Variants in RASSF3 observed in about 807,000 individuals in gnomAD.
RASSF3 encodes Ras association domain family member 3, also known as ras association domain-containing protein 3.
RASSF3 carries 19 observed loss-of-function variants against 19.9 expected under a neutral mutation model. That is an observed-to-expected ratio of 0.96 (90% CI 0.67 to 1.40). RASSF3 has a LOEUF of 1.40. Ranked by LOEUF, RASSF3 falls within the 40% of genes most tolerant of loss-of-function variation. The pLI is 0.00. For missense variants in RASSF3, 306 were observed against 289.8 expected, an observed-to-expected ratio of 1.06 and a Z score of -0.41; for synonymous variants, 110 against 104.2, an observed-to-expected ratio of 1.06 and a Z score of -0.34.
intron 1 of RASSF3, among the ~76,000 whole-genome samples, chr12:64,647,812 A>C (rs1334196663): frequency 6.6e-6 from 1 of 152,052 alleles, no homozygotes; most frequent in Admixed American, 6.6e-5. Flanking sequence ...AGCCTCCCAA[A>C]GTGCTGGGGT....
chr12:64,682,284 C>T (rs571236378), intron 1 of RASSF3, among the ~76,000 whole-genome samples: 2 of 152,138 alleles, frequency 1.3e-5, no homozygotes, highest in South Asian at 4.2e-4. Context: ...GGAGATAGGC[C>T]GGGCGCCACG....
chr12:64,564,162 C>T (rs1010411858), intron 2 of RASSF3, among the ~76,000 whole-genome samples: 1 of 152,172 alleles, frequency 6.6e-6, no homozygotes, highest in Admixed American at 6.5e-5. Context: ...TTGTTCTATA[C>T]ACTGTCAGTT....
At chr12:64,671,066 G>C (rs1872687280) in intron 1 of RASSF3, among the ~76,000 whole-genome samples, 1 of 152,172 alleles carries the variant, frequency 6.6e-6, no homozygotes, top group South Asian at 2.1e-4. Context: ...AATGGGTGAT[G>C]ATACAGTTCC....
At chr12:64,691,659 A>T in intron 4 of RASSF3, 80 bp downstream of exon 4, 2 of 964,052 alleles carry the variant, frequency 2.1e-6, no homozygotes, top group Non-Finnish European at 3.3e-6. Flanking sequence ...TGACTTGGCT[A>T]TTGATGGGGG....
chr12:64,683,325 C>A (rs1386544352), intron 1 of RASSF3, among the ~76,000 whole-genome samples: 1 of 152,158 alleles, frequency 6.6e-6, no homozygotes, highest in African/African-American at 2.4e-5. Context: ...ATCAGGGTGA[C>A]AAAATGCTGT....
chr12:64,628,169 C>T (rs1871054436), intron 1 of RASSF3, among the ~76,000 whole-genome samples: 1 of 152,158 alleles, frequency 6.6e-6, no homozygotes, highest in Non-Finnish European at 1.5e-5. Flanking sequence ...CATCCCCTAT[C>T]TAGTGCCAAC....
chr12:64,609,618 T>G (rs1870265926), upstream of RASSF3, among the ~76,000 whole-genome samples: 1 of 152,040 alleles, frequency 6.6e-6, no homozygotes, highest in South Asian at 2.1e-4. Context: ...GACTGAAGAG[T>G]TTTAGAAAAC....
At chr12:64,581,867 G>A (rs1276596165) in intron 2 of RASSF3, among the ~76,000 whole-genome samples, 1 of 120,194 alleles carries the variant, frequency 8.3e-6, no homozygotes, top group African/African-American at 3.2e-5. Flanking sequence ...TTTTTTTTTT[G>A]TTTTTCTTTT....
intron 1 of RASSF3, among the ~76,000 whole-genome samples, chr12:64,664,879 A>G (rs1253307253): frequency 1.3e-5 from 2 of 152,196 alleles, no homozygotes; most frequent in African/African-American, 2.4e-5. Context: ...TATGGATCCT[A>G]TTATTGGTAT....
chr12:64,645,363 TAAG>T (rs920401869), intron 1 of RASSF3, among the ~76,000 whole-genome samples: 1 of 152,118 alleles, frequency 6.6e-6, no homozygotes, highest in African/African-American at 2.4e-5. Flanking sequence ...AATTTATCCT[TAAG>T]AAATATTTTC....
At chr12:64,562,728 C>A (rs184234874) in intron 2 of RASSF3, among the ~76,000 whole-genome samples, 7 of 152,074 alleles carry the variant, frequency 4.6e-5, no homozygotes, top group African/African-American at 9.6e-5. Context: ...TCAAGTCATC[C>A]CCCCACATCA....
intron 1 of RASSF3, among the ~76,000 whole-genome samples, chr12:64,668,116 C>T (rs1487836962): frequency 6.6e-6 from 1 of 152,182 alleles, no homozygotes; most frequent in Non-Finnish European, 1.5e-5. Context: ...GTTAAAATTT[C>T]TACCCTCGGG....
chr12:64,559,107 C>T (rs2136124507), intron 2 of RASSF3, among the ~76,000 whole-genome samples: 1 of 152,288 alleles, frequency 6.6e-6, no homozygotes, highest in South Asian at 2.1e-4. Flanking sequence ...CTGCTACTGT[C>T]ACTTCTGCCA....
chr12:64,621,637 G>A (rs563176239), intron 1 of RASSF3, among the ~76,000 whole-genome samples: 2 of 152,016 alleles, frequency 1.3e-5, no homozygotes, highest in Non-Finnish European at 2.9e-5. Flanking sequence ...GCCACTATGC[G>A]CGGCTAATTT....
upstream of RASSF3, among the ~76,000 whole-genome samples, chr12:64,529,568 A>G (rs893467270): frequency 6.6e-6 from 1 of 152,174 alleles, no homozygotes; most frequent in Non-Finnish European, 1.5e-5. Flanking sequence ...TTTCCTGGCA[A>G]TGGTGCCGTC....
chr12:64,693,456 T>A (rs572891974), intron 4 of RASSF3, among the ~76,000 whole-genome samples: 3 of 152,052 alleles, frequency 2.0e-5, no homozygotes, highest in Non-Finnish European at 2.9e-5. Context: ...TCTTGCACTG[T>A]CACCCAGGCT....
intron 2 of RASSF3, among the ~76,000 whole-genome samples, chr12:64,605,113 G>A (rs986066032): frequency 6.6e-6 from 1 of 151,862 alleles, no homozygotes; most frequent in Non-Finnish European, 1.5e-5. Context: ...AGCCTCCTGA[G>A]TAGCTGGGAT....
chr12:64,684,699 G>C (rs1873278839), intron 1 of RASSF3, 88 bp from the exon 2 acceptor site: 3 of 822,682 alleles, frequency 3.6e-6, no homozygotes, highest in Non-Finnish European at 6.2e-6. Context: ...CCAAAGTGCT[G>C]GGATTACAGG....
intron 1 of RASSF3, among the ~76,000 whole-genome samples, chr12:64,638,649 A>G (rs1207423573): frequency 2.0e-5 from 3 of 151,616 alleles, no homozygotes; most frequent in Non-Finnish European, 4.4e-5. Context: ...ACATTGCATC[A>G]TAGTTGAAGC....
Sources: gnomAD v4.1 joint callset for allele counts (sites outside exome capture counted in the v4.1 genomes callset) on GRCh38, gnomAD v4.1.1 for gene constraint, MANE v1.5 for transcripts, NCBI Gene and HGNC (gene_info 2026-07-23, HGNC 2026-07-21) for gene names.